The following CENPP variants were observed in gnomAD, a reference collection of about 807,000 sequenced individuals.
CENPP encodes the protein centromere protein P.
In CENPP, 24 loss-of-function variants were observed where a neutral mutation model predicts 35.6. The observed-to-expected ratio is 0.67, with a 90% CI of 0.49 to 0.95. The LOEUF (loss-of-function observed/expected upper bound fraction) is 0.95. Among genes scored for constraint, CENPP ranks in the 40% least tolerant of loss-of-function variants. CENPP has a pLI of 0.00. For missense variants in CENPP, 332 were observed against 345.3 expected, an observed-to-expected ratio of 0.96 and a Z score of 0.31; for synonymous variants, 120 against 125.5, an observed-to-expected ratio of 0.96 and a Z score of 0.29.
intron 5 of CENPP, among the ~76,000 whole-genome samples, chr9:92,548,646 A>G (rs1036337150): frequency 1.3e-5 from 2 of 152,240 alleles, no homozygotes; most frequent in African/African-American, 2.4e-5. Context: ...AAGTATATTT[A>G]AAATATATCA....
intron 5 of CENPP, among the ~76,000 whole-genome samples, chr9:92,471,758 C>T (rs978745019): frequency 1.3e-5 from 2 of 151,648 alleles, no homozygotes; most frequent in Non-Finnish European, 2.9e-5. Flanking sequence ...CCTCCACCTC[C>T]TGGGTTCTAG....
chr9:92,479,763 AAGTC>A (rs1465594564), intron 5 of CENPP, among the ~76,000 whole-genome samples: 1 of 152,154 alleles, frequency 6.6e-6, no homozygotes, highest in Admixed American at 6.5e-5. Flanking sequence ...GCAAAGAAAA[AAGTC>A]AGGCCAACCT....
intron 5 of CENPP, chr9:92,393,241 A>C: frequency 6.4e-7 from 1 of 1,561,580 alleles, no homozygotes; most frequent in Non-Finnish European, 8.7e-7. Flanking sequence ...ACACGTGGGC[A>C]TTTCTAAATT....
At chr9:92,452,567 T>TG (rs1844743984) in intron 5 of CENPP, among the ~76,000 whole-genome samples, 1 of 152,084 alleles carries the variant, frequency 6.6e-6, no homozygotes, top group South Asian at 2.1e-4. Context: ...TCTCCTTTTT[T>TG]GTGGTGTCTC....
chr9:92,401,329 T>G, intron 5 of CENPP: 1 of 502,250 alleles, frequency 2.0e-6, no homozygotes. Context: ...TATTTCCATT[T>G]TATCATCTAT....
At chr9:92,413,686 C>T (rs184032866) in intron 5 of CENPP, among the ~76,000 whole-genome samples, 240 of 152,054 alleles carry the variant, frequency 1.6e-3, no homozygotes, top group Non-Finnish European at 2.5e-3. Flanking sequence ...CATAGTTGCA[C>T]ATTGTACTTT....
intron 5 of CENPP, among the ~76,000 whole-genome samples, chr9:92,468,747 A>T (rs1420488622): frequency 5.3e-5 from 8 of 152,230 alleles, no homozygotes; most frequent in Admixed American, 3.9e-4. Context: ...ACACCTGGTC[A>T]GTCTGCTAAT....
At chr9:92,418,366 C>T (rs1003469683) in intron 5 of CENPP, among the ~76,000 whole-genome samples, 3 of 151,378 alleles carry the variant, frequency 2.0e-5, no homozygotes, top group African/African-American at 4.9e-5. Flanking sequence ...GGATTACAGG[C>T]GTGAGCCACT....
intron 5 of CENPP, among the ~76,000 whole-genome samples, chr9:92,445,265 T>G (rs1469222048): frequency 6.6e-6 from 1 of 152,180 alleles, no homozygotes; most frequent in Non-Finnish European, 1.5e-5. Context: ...CAAGCATCAT[T>G]GGGGTCCAGC....
intron 4 of CENPP, among the ~76,000 whole-genome samples, chr9:92,357,952 C>G (rs1365123023): frequency 6.6e-6 from 1 of 152,002 alleles, no homozygotes; most frequent in African/African-American, 2.4e-5. Flanking sequence ...ATTGAACATC[C>G]CTTGTATGTG....
chr9:92,524,126 T>G (rs892158042), intron 5 of CENPP, among the ~76,000 whole-genome samples: 2 of 152,222 alleles, frequency 1.3e-5, no homozygotes, highest in African/African-American at 4.8e-5. Context: ...GTGACTGATG[T>G]AATCCACAAC....
chr9:92,602,473 C>T (rs1169224681), intron 5 of CENPP, among the ~76,000 whole-genome samples: 1 of 152,192 alleles, frequency 6.6e-6, no homozygotes, highest in Non-Finnish European at 1.5e-5. Flanking sequence ...GGCTCCAAAC[C>T]TGGCATCAAC....
chr9:92,401,305 T>G, intron 5 of CENPP: 1 of 559,164 alleles, frequency 1.8e-6, no homozygotes, highest in East Asian at 3.0e-5. Context: ...TGTGCTCCAT[T>G]AGGCTTTCAT....
At chr9:92,607,091 C>T (rs796491916) in intron 5 of CENPP, among the ~76,000 whole-genome samples, 3 of 152,244 alleles carry the variant, frequency 2.0e-5, no homozygotes, top group African/African-American at 7.2e-5. Flanking sequence ...TATGTAATTC[C>T]ATTTGTATGA....
intron 5 of CENPP, among the ~76,000 whole-genome samples, chr9:92,411,489 T>C (rs1843442869): frequency 6.6e-6 from 1 of 150,752 alleles, no homozygotes; most frequent in Admixed American, 6.6e-5. Flanking sequence ...GAGATGGAGT[T>C]TCACCATGTT....
At chr9:92,341,852 A>G (rs1290474132) in intron 3 of CENPP, among the ~76,000 whole-genome samples, 1 of 152,212 alleles carries the variant, frequency 6.6e-6, no homozygotes, top group African/African-American at 2.4e-5. Context: ...TCTCATCCTC[A>G]TGTCATGAAA....
intron 5 of CENPP, among the ~76,000 whole-genome samples, chr9:92,580,799 C>T (rs1436588932): frequency 6.6e-6 from 1 of 152,246 alleles, no homozygotes; most frequent in African/African-American, 2.4e-5. Flanking sequence ...GTGTCTATTT[C>T]CTTCAGTTCT....
intron 5 of CENPP, among the ~76,000 whole-genome samples, chr9:92,469,854 C>T (rs1177212675): frequency 6.6e-6 from 1 of 152,150 alleles, no homozygotes; most frequent in Non-Finnish European, 1.5e-5. Flanking sequence ...CTGGAGACTT[C>T]GAAATGATTT....
chr9:92,459,507 T>A (rs917684482), intron 5 of CENPP: 18 of 888,504 alleles, frequency 2.0e-5, no homozygotes, highest in Non-Finnish European at 3.1e-5. Context: ...TCATGCAACC[T>A]GGAGAGTCAT....
Sources: gnomAD v4.1 joint callset for allele counts (sites outside exome capture counted in the v4.1 genomes callset) on GRCh38, gnomAD v4.1.1 for gene constraint, MANE v1.5 for transcripts, NCBI Gene and HGNC (gene_info 2026-07-23, HGNC 2026-07-21) for gene names.